Variants in NDE1 observed in about 807,000 individuals in gnomAD.
NDE1 encodes nuclear distribution protein nudE homolog 1.
A neutral mutation model predicts 43.4 loss-of-function variants in NDE1; 28 were observed. That is an observed-to-expected ratio of 0.65 (90% confidence interval 0.48 to 0.89). NDE1 has a LOEUF of 0.89. Ranked by LOEUF, NDE1 falls within the 40% of genes least tolerant of loss-of-function variation. NDE1 has a pLI of 0.00. For missense variants in NDE1, 441 were observed against 434.1 expected (o/e 1.02, Z -0.14); for synonymous variants, 184 against 172.0 (o/e 1.07, Z -0.55).
chr16:15,660,611 G>T (rs8061376), intron 1 of NDE1, among the ~76,000 whole-genome samples: 109,756 of 152,038 alleles, frequency 0.72, 40,477 homozygotes, highest in African/African-American at 0.89. Context: ...GAATTCCATC[G>T]CTTTCCTCTT....
At chr16:15,718,011 A>C in intron 8 of NDE1, 1 of 475,236 alleles carries the variant, frequency 2.1e-6, no homozygotes, top group Non-Finnish European at 3.9e-6. Context: ...AGCTTCAGCT[A>C]GGGGAAAACG....
intron 1 of NDE1, among the ~76,000 whole-genome samples, chr16:15,644,374 A>G (rs1029434146): frequency 6.6e-6 from 1 of 152,248 alleles, no homozygotes; most frequent in African/African-American, 2.4e-5. Flanking sequence ...TGTGGAGGGC[A>G]GGATCAGACA....
rs116783531 is a variant in NDE1 at position 15,697,372 on chromosome 16, C to T, written c.947+512C>T. 7.0e-3 allele frequency among the ~76,000 whole-genome samples: 1,059 copies of T among 152,212 alleles called. 14 individuals are homozygous for T. The highest frequency in any genetic ancestry group is 0.025 in the African/African-American group (1,031 of 41,544). On this transcript the variant is annotated intron_variant, in intron 8 of 8. Transcript: ENST00000396354. ...AGGTCATTTTTATCATTTGATTCTA[C>T]AGCTGCTACTCACGGTTACACTGTG...
At chr16:15,680,863 T>C (rs1007284262) in intron 4 of NDE1, among the ~76,000 whole-genome samples, 1 of 152,128 alleles carries the variant, frequency 6.6e-6, no homozygotes, top group Admixed American at 6.6e-5. Flanking sequence ...CTACTAATCT[T>C]TTCTCCTGCA....
chr16:15,644,110 AG>A (rs2036237212), intron 1 of NDE1, among the ~76,000 whole-genome samples: 2 of 152,250 alleles, frequency 1.3e-5, no homozygotes, highest in South Asian at 4.1e-4. Flanking sequence ...TTAGGAAAAA[AG>A]CAAAGCACAT....
intron 8 of NDE1, chr16:15,703,732 GT>G: frequency 2.0e-6 from 1 of 496,242 alleles, no homozygotes; most frequent in South Asian, 2.0e-5. Context: ...GGGACCACAG[GT>G]GTGTACCACC....
intron 8 of NDE1, chr16:15,718,241 G>T (rs1483354345): frequency 3.1e-6 from 5 of 1,600,616 alleles, no homozygotes; most frequent in Non-Finnish European, 4.2e-6. Context: ...CGCCACGCGT[G>T]TGTTGACTGG....
At chr16:15,706,774 ACT>A (rs1393380956) in intron 8 of NDE1, among the ~76,000 whole-genome samples, 3 of 151,912 alleles carry the variant, frequency 2.0e-5, no homozygotes, top group South Asian at 2.1e-4. Flanking sequence ...TGCTCTAGGC[ACT>A]CTCTTTTTGG....
chr16:15,679,292 G>A (rs891476607), intron 4 of NDE1, among the ~76,000 whole-genome samples: 5 of 152,044 alleles, frequency 3.3e-5, no homozygotes, highest in African/African-American at 1.2e-4. Context: ...CACTGCACCC[G>A]GCCTCCTCAG....
chr16:15,724,810 G>A lies in NDE1; in HGVS notation c.*559G>A. Reference sequence around the variant, plus strand: ...TTCTTGAAGCAGCTCCTGCAAAAGGGATGCAAAGAGGTCCCAGGGACCTGC... The same window carrying A: ...TTCTTGAAGCAGCTCCTGCAAAAGGAATGCAAAGAGGTCCCAGGGACCTGC... On this transcript the variant is annotated 3_prime_UTR_variant, in exon 9 of 9. Coordinates refer to ENST00000396354, the MANE Select transcript of NDE1 (RefSeq NM_017668.3). 6.2e-7 allele frequency: 1 copy of A among 1,613,758 alleles called. No individual in the cohort carries two copies.
intron 4 of NDE1, among the ~76,000 whole-genome samples, chr16:15,686,773 C>A (rs187214614): frequency 1.6e-3 from 245 of 152,278 alleles, no homozygotes; most frequent in African/African-American, 5.6e-3. Context: ...GTGGTATAAT[C>A]TGGGCTCACT....
In NDE1 at chr16:15,724,244, C is replaced by T; in HGVS notation, c.1001C>T (p.Ser334Phe). ...AAATCAACAACCAGGTCGTCCAGCT[C>T]CTGCTGAAGCCTGTTCTTGGTCTTT... ...LSKSTTRSSS[S>F]C is the part of the protein sequence containing the mutation. Residue 334 changes from serine (S) to phenylalanine (F), a missense_variant, in exon 9 of 9, where the codon TCC (serine) becomes TTC (phenylalanine). Transcript: ENST00000396354. 6.2e-7 allele frequency: 1 copy of T among 1,614,200 alleles called. No homozygotes were observed. The highest frequency in any genetic ancestry group is 8.5e-7 in the Non-Finnish European group (1 of 1,180,042).
intron 4 of NDE1, chr16:15,684,602 C>G (rs2038342382): frequency 6.6e-6 from 1 of 150,518 alleles, no homozygotes; most frequent in South Asian, 2.1e-4. Flanking sequence ...TGAAGCTGGT[C>G]CCCAGTTCCC....
At chr16:15,696,496 G>A (rs1432182038) in intron 7 of NDE1, among the ~76,000 whole-genome samples, 1 of 152,064 alleles carries the variant, frequency 6.6e-6, no homozygotes, top group Non-Finnish European at 1.5e-5. Flanking sequence ...GATTATAGGT[G>A]TGAGCCATTG....
chr16:15,686,504 C>T, intron 4 of NDE1: 1 of 985,362 alleles, frequency 1.0e-6, no homozygotes, highest in Non-Finnish European at 1.2e-6. Context: ...TAAATATGAT[C>T]TCTTCCACCT....
chr16:15,723,439 G>A (rs992407690), intron 8 of NDE1, among the ~76,000 whole-genome samples: 2 of 152,168 alleles, frequency 1.3e-5, no homozygotes, highest in East Asian at 1.9e-4. Context: ...GTGAGGCCAG[G>A]AGTTGGAGAC....
intron 2 of NDE1, among the ~76,000 whole-genome samples, chr16:15,665,136 A>T (rs967918774): frequency 3.3e-5 from 5 of 150,560 alleles, no homozygotes; most frequent in Non-Finnish European, 5.9e-5. Flanking sequence ...CAAGTGATGC[A>T]CCTCTGCCTC....
chr16:15,725,126 G>A lies in NDE1; in HGVS notation c.*875G>A. The A allele has an allele frequency of 1.5e-6, 1 of 678,408 alleles. No individual in the cohort carries two copies. The highest frequency in any genetic ancestry group is 2.5e-6 in the Non-Finnish European group (1 of 398,050). The allele number at this position is 678,408 out of a possible 1,614,324, so 42.0% of individuals were successfully genotyped here. A position where few individuals can be genotyped will look rare whatever the true frequency, so the allele number is the denominator to read the frequency against. On this transcript the variant is annotated 3_prime_UTR_variant, in exon 9 of 9. Transcript: ENST00000396354. ...TTGAGAAAATACCCGTGAGGTATGG[G>A]ACTCTGATAAAAAAAAAAAAAAACA... is the stretch of plus-strand genomic sequence containing the variant.
chr16:15,717,916 G>T (rs1438675188), intron 8 of NDE1: 16 of 324,814 alleles, frequency 4.9e-5, no homozygotes, highest in Non-Finnish European at 6.5e-5. Context: ...CACCACAAGG[G>T]GCTGCAGGTT....
Sources: gnomAD v4.1 joint callset for allele counts (sites outside exome capture counted in the v4.1 genomes callset) on GRCh38, gnomAD v4.1.1 for gene constraint, MANE v1.5 for transcripts, NCBI Gene and HGNC (gene_info 2026-07-23, HGNC 2026-07-21) for gene names.